The following LNPEP variants were observed in gnomAD, a reference collection of about 807,000 sequenced individuals.
The protein encoded by LNPEP is leucyl-cystinyl aminopeptidase.
In LNPEP, 64 loss-of-function variants were observed where a neutral mutation model predicts 120.6. The observed-to-expected ratio is 0.53, with a 90% CI of 0.43 to 0.65. The LOEUF (loss-of-function observed/expected upper bound fraction) is 0.65. Among genes scored for constraint, LNPEP ranks in the 30% least tolerant of loss-of-function variants. The probability of loss-of-function intolerance (pLI) is 0.00; values close to 1 mark genes in which losing one functional copy is unlikely to be tolerated. For missense variants in LNPEP, 1,057 were observed against 1,200.0 expected, an observed-to-expected ratio of 0.88 and a Z score of 1.76; for synonymous variants, 435 against 425.4, an observed-to-expected ratio of 1.02 and a Z score of -0.28.
intron 6 of LNPEP, 59 bp downstream of exon 6, chr5:96,994,030 TATTGTTAGC>T: frequency 7.1e-7 from 1 of 1,406,178 alleles, no homozygotes; most frequent in Non-Finnish European, 9.8e-7. Flanking sequence ...GTCCTGGAGT[TATTGTTAGC>T]ATTTAGATGC....
intron 1 of LNPEP, among the ~76,000 whole-genome samples, chr5:96,970,860 T>C (rs1186392494): frequency 6.6e-6 from 1 of 152,026 alleles, no homozygotes; most frequent in Non-Finnish European, 1.5e-5. Context: ...TTTTTTGGTT[T>C]TAAGCATACA....
chr5:97,023,078 C>A (rs1447404206), intron 14 of LNPEP, among the ~76,000 whole-genome samples: 1 of 152,020 alleles, frequency 6.6e-6, no homozygotes, highest in Non-Finnish European at 1.5e-5. Flanking sequence ...TCCCTCTCCC[C>A]ACCAGCCCCT....
chr5:96,998,204 T>G (rs1361221914), intron 8 of LNPEP, 59 bp downstream of exon 8: 2 of 1,261,704 alleles, frequency 1.6e-6, no homozygotes, highest in African/African-American at 1.5e-5. Flanking sequence ...TAATTTCGTA[T>G]GTGAGCAAGC....
intron 2 of LNPEP, among the ~76,000 whole-genome samples, chr5:96,983,647 A>T (rs1469203447): frequency 1.3e-5 from 2 of 152,066 alleles, no homozygotes; most frequent in Non-Finnish European, 2.9e-5. Flanking sequence ...AGGTTTCACC[A>T]TGTTGGCCAG....
chr5:97,013,333 A>G (rs1790985697), intron 11 of LNPEP, among the ~76,000 whole-genome samples: 1 of 152,096 alleles, frequency 6.6e-6, no homozygotes, highest in Non-Finnish European at 1.5e-5. Flanking sequence ...TTTTCTGTCA[A>G]TAGCGCTTGT....
In LNPEP at chr5:96,986,633, A is replaced by T. The variant is rs1790250351; in HGVS notation, c.1094A>T (p.Glu365Val). The T allele has an allele frequency of 1.9e-6, 3 of 1,613,418 alleles. No individual in the cohort carries two copies. The East Asian group carries it at 6.7e-5, about 36-fold the overall frequency. The change falls in exon 4 of 18, where the codon GAG becomes GTG. Residue 365 changes from glutamate (E) to valine (V), a missense_variant. Physicochemically the swap from Glu to Val is moderately radical, Grantham distance 121. Coordinates refer to ENST00000231368, the MANE Select transcript of LNPEP (RefSeq NM_005575.3). ...STYLVAFIVG[E>V]MKNLSQDVNG... is the part of the protein sequence containing the mutation. ...TACTTGGTTGCTTTCATTGTGGGAG[A>T]GATGAAGAACCTGAGTCAGGACGTA...
intron 1 of LNPEP, among the ~76,000 whole-genome samples, chr5:96,951,765 T>C (rs1390085202): frequency 6.6e-6 from 1 of 150,728 alleles, no homozygotes; most frequent in Non-Finnish European, 1.5e-5. Flanking sequence ...TTCAATTTTT[T>C]TTTTTCTGGA....
chr5:97,009,590 G>C (rs574892633), intron 11 of LNPEP, among the ~76,000 whole-genome samples: 2 of 152,284 alleles, frequency 1.3e-5, no homozygotes, highest in South Asian at 2.1e-4. Flanking sequence ...AAATTCACTA[G>C]AATATAATTG....
chr5:96,984,649 T>C (rs1561441101), intron 2 of LNPEP, among the ~76,000 whole-genome samples: 1 of 152,248 alleles, frequency 6.6e-6, no homozygotes, highest in East Asian at 1.9e-4. Flanking sequence ...GGGCACTGGC[T>C]TTTAATATTT....
chr5:96,975,248 A>T (rs1343174097), intron 1 of LNPEP, among the ~76,000 whole-genome samples: 1 of 152,148 alleles, frequency 6.6e-6, no homozygotes, highest in Non-Finnish European at 1.5e-5. Flanking sequence ...TATATCCTAC[A>T]CTGAATGCCA....
intron 11 of LNPEP, among the ~76,000 whole-genome samples, chr5:97,007,616 ATTAT>A (rs1420076485): frequency 6.6e-6 from 1 of 152,158 alleles, no homozygotes; most frequent in Non-Finnish European, 1.5e-5. Flanking sequence ...TATTCTTATG[ATTAT>A]TTGTTTATAG....
intron 2 of LNPEP, among the ~76,000 whole-genome samples, chr5:96,982,439 C>G (rs1351348155): frequency 6.6e-6 from 1 of 152,182 alleles, no homozygotes; most frequent in African/African-American, 2.4e-5. Flanking sequence ...TATTATCAAG[C>G]AGCAGCCTTC....
intron 2 of LNPEP, among the ~76,000 whole-genome samples, chr5:96,982,019 A>G (rs1790138704): frequency 6.6e-6 from 1 of 152,196 alleles, no homozygotes; most frequent in Non-Finnish European, 1.5e-5. Context: ...GAAGGGCTGG[A>G]AACTGTTCCA....
intron 1 of LNPEP, among the ~76,000 whole-genome samples, chr5:96,975,181 C>T (rs1187776662): frequency 2.0e-5 from 3 of 152,100 alleles, no homozygotes. Flanking sequence ...TAACGTCTAC[C>T]TAAAATCAGG....
chr5:96,994,228 A>G (rs1454597663), intron 6 of LNPEP, among the ~76,000 whole-genome samples: 2 of 152,202 alleles, frequency 1.3e-5, no homozygotes, highest in Non-Finnish European at 2.9e-5. Flanking sequence ...CATTTTACAT[A>G]TGTGAAAACT....
At chr5:97,028,278 C>A (rs1195722377) in intron 17 of LNPEP, 124 bp from the exon 18 acceptor site, 5 of 838,214 alleles carry the variant, frequency 6.0e-6, no homozygotes, top group East Asian at 2.5e-5. Flanking sequence ...TAAAGTACTT[C>A]TTTCTACTGC....
chr5:97,032,398 C>T lies in LNPEP; in HGVS notation c.*3865C>T, dbSNP rs1178041982. 6.6e-6 allele frequency: 1 copy of T among 152,160 alleles called. No homozygotes were observed. The highest frequency in any genetic ancestry group is 1.5e-5 in the Non-Finnish European group (1 of 68,030). 9.4% of individuals were successfully genotyped at this position (152,160 alleles called of 1,614,324 possible). A position where few individuals can be genotyped will look rare whatever the true frequency, so the allele number is the denominator to read the frequency against. On this transcript the variant is annotated 3_prime_UTR_variant, in exon 18 of 18. Coordinates refer to ENST00000231368, the MANE Select transcript of LNPEP (RefSeq NM_005575.3). ...AAGTATGGTAAATCTCCTCCCTTAA[C>T]CTTATTGCCTGTGTGGGTGACAGCT...
rs767749347 is a variant in LNPEP, at chr5:97,022,443, G to A, written c.2520G>A (p.Met840Ile). The change falls in exon 14 of 18, where the codon ATG becomes ATA. Residue 840 changes from methionine to isoleucine, a missense_variant. By Grantham distance (10) the Met-to-Ile change is conservative. Coordinates refer to ENST00000231368, the MANE Select transcript of LNPEP (RefSeq NM_005575.3). ...HNLGNCSTTA[M>I]KLFDDWMASN... ...TGGGGAACTGCTCTACTACTGCCAT[G>A]AAACTGTTTGATGACTGGATGGCAT... is the stretch of plus-strand genomic sequence containing the variant. 3 of 1,613,950 alleles carry A rather than the reference G, an allele frequency of 1.9e-6. No individual in the cohort carries two copies. Among genetic ancestry groups the A allele is most frequent in the East Asian group, 4.5e-5 (2 of 44,880 alleles).
chr5:96,943,070 C>A, intron 1 of LNPEP: 1 of 289,266 alleles, frequency 3.5e-6, no homozygotes, highest in Non-Finnish European at 6.6e-6. Context: ...GTATTGTTTC[C>A]AGATGAGAAT....
Sources: gnomAD v4.1 joint callset for allele counts (sites outside exome capture counted in the v4.1 genomes callset) on GRCh38, gnomAD v4.1.1 for gene constraint, MANE v1.5 for transcripts, NCBI Gene and HGNC (gene_info 2026-07-23, HGNC 2026-07-21) for gene names.